Variants in PCDHGA1 observed in about 807,000 individuals in gnomAD.
PCDHGA1 encodes protocadherin gamma subfamily A, 1.
A neutral mutation model predicts 58.0 loss-of-function variants in PCDHGA1; 32 were observed. The observed-to-expected ratio is 0.55, with a 90% CI of 0.42 to 0.74. The LOEUF (loss-of-function observed/expected upper bound fraction) is 0.74, where lower values mean the gene tolerates loss of function less well. Ranked by LOEUF, PCDHGA1 falls within the 30% of genes least tolerant of loss-of-function variation. PCDHGA1 has a pLI of 0.00. For synonymous variants in PCDHGA1, 498 were observed against 501.1 expected (o/e 0.99, Z 0.08); for missense variants, 1,205 against 1,182.3 (o/e 1.02, Z -0.28).
chr5:141,381,798 C>CTCTTTCTTTCTTTCTTTCTT (rs372235829), intron 1 of PCDHGA1, among the ~76,000 whole-genome samples: 32 of 144,170 alleles, frequency 2.2e-4, no homozygotes, highest in African/African-American at 7.7e-4. Flanking sequence ...AGGCAATTCC[C>CTCTTTCTTTCTTTCTTTCTT]TCTTTCTTTC....
Position 141,486,397 on chromosome 5 carries a change from G to A in PCDHGA1, c.2422-8410G>A, listed in dbSNP as rs778989869. The A allele has an allele frequency of 5.0e-6, 8 of 1,614,046 alleles. No individual in the cohort carries two copies. The South Asian group carries it at 7.7e-5, about 16-fold the overall frequency. ...CCTTCAGGAACCAGTTCTCCCTGGT[G>A]ACTGCTGGACCCTTGGATCGAGAGG... On this transcript the variant is annotated intron_variant, in intron 1 of 3. Transcript: ENST00000517417. The surrounding 1 kb of genome is among the most constrained non-coding windows in gnomAD (Gnocchi z 5.0).
chr5:141,358,755 C>A (rs926855640), intron 1 of PCDHGA1, among the ~76,000 whole-genome samples: 2 of 152,168 alleles, frequency 1.3e-5, no homozygotes, highest in African/African-American at 2.4e-5. Context: ...CTCTTGTCAT[C>A]ATGTGAGCCT....
At chr5:141,372,690 A>G (rs1415110803) in intron 1 of PCDHGA1, 1 of 1,613,948 alleles carries the variant, frequency 6.2e-7, no homozygotes, top group East Asian at 2.2e-5. Context: ...CACCGAGTTT[A>G]AATTTCTCAA....
In PCDHGA1 at chr5:141,477,669, T is replaced by C; in HGVS notation, c.2422-17138T>C. Reference sequence around the variant, plus strand: ...TTCACAATAAATCGTGACAATGGCATAGTGTCATCCTTAGTGCCCCTAGAC... The same window carrying C: ...TTCACAATAAATCGTGACAATGGCACAGTGTCATCCTTAGTGCCCCTAGAC... On this transcript the variant is annotated intron_variant, in intron 1 of 3. Coordinates refer to ENST00000517417, the MANE Select transcript of PCDHGA1 (RefSeq NM_018912.3). This position sits in a 1 kb window ranked among gnomAD's most constrained non-coding sequence, Gnocchi z 4.9. 6.2e-7 allele frequency: 1 copy of C among 1,614,200 alleles called. No individual in the cohort carries two copies. Among genetic ancestry groups the C allele is most frequent in the Non-Finnish European group, 8.5e-7 (1 of 1,180,030 alleles).
chr5:141,500,493 G>A (rs1239876467), intron 2 of PCDHGA1, among the ~76,000 whole-genome samples: 1 of 152,166 alleles, frequency 6.6e-6, no homozygotes, highest in Admixed American at 6.5e-5. Context: ...ACAGGCGTGA[G>A]CCACCGCGCC....
At chr5:141,398,698 T>C (rs2093690457) in intron 1 of PCDHGA1, 2 of 1,613,680 alleles carry the variant, frequency 1.2e-6, no homozygotes, top group Admixed American at 1.7e-5. Flanking sequence ...TGGTAGTAAA[T>C]ACCCGGAACT....
At chr5:141,385,413 G>T in intron 1 of PCDHGA1, 1 of 1,472,024 alleles carries the variant, frequency 6.8e-7, no homozygotes, top group South Asian at 1.5e-5. Context: ...TGAAAATAGG[G>T]ATTTAAAAAA....
At chr5:141,501,881 C>T (rs1396427606) in intron 2 of PCDHGA1, among the ~76,000 whole-genome samples, 1 of 152,124 alleles carries the variant, frequency 6.6e-6, no homozygotes, top group East Asian at 1.9e-4. Context: ...CCTTACACTC[C>T]TGATCATCAT....
intron 1 of PCDHGA1, among the ~76,000 whole-genome samples, chr5:141,447,047 T>C (rs529082157): frequency 1.3e-5 from 2 of 152,342 alleles, no homozygotes; most frequent in African/African-American, 4.8e-5. Flanking sequence ...TCTGGAATTC[T>C]ATTAAAATGT....
chr5:141,350,415 T>C, intron 1 of PCDHGA1: 2 of 1,605,958 alleles, frequency 1.2e-6, no homozygotes, highest in Non-Finnish European at 1.7e-6. Context: ...GCCAAGGATC[T>C]GGGGCTCAGT....
At chr5:141,414,703 T>C in intron 1 of PCDHGA1, 1 of 1,613,994 alleles carries the variant, frequency 6.2e-7, no homozygotes. Flanking sequence ...CTCATACATA[T>C]CCATCAACTC....
intron 1 of PCDHGA1, chr5:141,357,247 G>C (rs11575951): frequency 0.023 from 36,857 of 1,613,696 alleles, 965 homozygotes; most frequent in African/African-American, 0.14. Flanking sequence ...GCCTTCAGCA[G>C]ACCCAGACGA....
At chr5:141,353,748 C>T (rs557671529) in intron 1 of PCDHGA1, among the ~76,000 whole-genome samples, 3 of 152,206 alleles carry the variant, frequency 2.0e-5, no homozygotes, top group African/African-American at 4.8e-5. Flanking sequence ...AATCTATAAA[C>T]ATGTTGAGAT....
rs772943752 is a variant in PCDHGA1 at position 141,331,554 on chromosome 5, A to G, written c.870A>G (p.Gln290=). The change falls in exon 1 of 4, where the codon CAA becomes CAG. Residue 290 remains glutamine (Q), a synonymous_variant. Transcript: ENST00000517417. ...SFHNVDHRVA[Q]IFRLDSYTGE... ...ACAATGTAGACCACAGAGTGGCCCA[A>G]ATATTTCGTTTAGATTCTTACACAG... 75 of 1,614,080 alleles carry G rather than the reference A, an allele frequency of 4.6e-5. No homozygotes were observed. The highest frequency in any genetic ancestry group is 2.0e-4 in the Admixed American group (12 of 60,006).
intron 2 of PCDHGA1, among the ~76,000 whole-genome samples, chr5:141,498,847 C>T (rs932801278): frequency 1.3e-5 from 2 of 151,856 alleles, no homozygotes; most frequent in Admixed American, 1.3e-4. Flanking sequence ...GCAGGGGAAT[C>T]GCTTGAACCC....
chr5:141,344,462 T>C lies in PCDHGA1; in HGVS notation c.2421+11357T>C, dbSNP rs758634731. ...CAGAGGAATTGGAAATAAAAATTGG[T>C]GAACTAACGGTTCCTGGAACCCGAT... is the stretch of plus-strand genomic sequence containing the variant. On this transcript the variant is annotated intron_variant, in intron 1 of 3. Transcript: ENST00000517417. 1.9e-6 allele frequency: 3 copies of C among 1,613,778 alleles called. No homozygotes were observed. In the South Asian group the frequency reaches 3.3e-5, roughly 18 times the overall value.
intron 1 of PCDHGA1, among the ~76,000 whole-genome samples, chr5:141,482,488 G>C (rs1401943298): frequency 7.7e-6 from 1 of 130,410 alleles, no homozygotes; most frequent in African/African-American, 3.1e-5. Context: ...ACAATTAAAA[G>C]TTATCATTCT....
At chr5:141,406,989 T>C (rs1402069577) in intron 1 of PCDHGA1, among the ~76,000 whole-genome samples, 2 of 152,236 alleles carry the variant, frequency 1.3e-5, no homozygotes, top group Non-Finnish European at 2.9e-5. Context: ...TCACAAGACA[T>C]TTGAAAATAA....
At chr5:141,402,474 G>T (rs2094271773) in intron 1 of PCDHGA1, among the ~76,000 whole-genome samples, 1 of 152,122 alleles carries the variant, frequency 6.6e-6, no homozygotes, top group South Asian at 2.1e-4. Flanking sequence ...GAAATAGAGT[G>T]CAAAGTTCTA....
Sources: allele counts gnomAD v4.1 joint callset (sites outside exome capture counted in the v4.1 genomes callset), GRCh38; gene constraint gnomAD v4.1.1; non-coding constraint Gnocchi (gnomAD v3.1); transcripts MANE v1.5; gene names NCBI Gene and HGNC (gene_info 2026-07-23, HGNC 2026-07-21).